The following ROBO1 variants were observed in gnomAD, a reference collection of about 807,000 sequenced individuals.
ROBO1 encodes the protein roundabout homolog 1.
In ROBO1, 149 loss-of-function variants were observed where a neutral mutation model predicts 195.9. The ratio of observed to expected loss-of-function variants is 0.76; its 90% CI spans 0.67 to 0.87. The LOEUF (loss-of-function observed/expected upper bound fraction) is 0.87. Ranked by LOEUF, ROBO1 falls within the 40% of genes least tolerant of loss-of-function variation. The pLI is 0.00. For missense variants in ROBO1, 1,933 were observed against 2,068.3 expected, an observed-to-expected ratio of 0.93 and a Z score of 1.27; for synonymous variants, 816 against 733.2, an observed-to-expected ratio of 1.11 and a Z score of -1.82.
intron 3 of ROBO1, among the ~76,000 whole-genome samples, chr3:78,942,536 AAG>A (rs1412771553): frequency 6.6e-6 from 1 of 152,128 alleles, no homozygotes; most frequent in Non-Finnish European, 1.5e-5. Context: ...GGCAGGGAAT[AAG>A]AGAGTGAAAT....
chr3:79,015,625 CTG>C (rs2077912330), intron 3 of ROBO1, among the ~76,000 whole-genome samples: 1 of 152,152 alleles, frequency 6.6e-6, no homozygotes, highest in African/African-American at 2.4e-5. Flanking sequence ...CACCAGAAGT[CTG>C]TCTGTCCATA....
chr3:79,119,908 C>T (rs2080084505), intron 3 of ROBO1, among the ~76,000 whole-genome samples: 1 of 151,974 alleles, frequency 6.6e-6, no homozygotes, highest in African/African-American at 2.4e-5. Context: ...GTAGCTGGGA[C>T]TACAGGCACA....
chr3:79,521,333 T>G (rs796328256), intron 2 of ROBO1, among the ~76,000 whole-genome samples: 6 of 152,304 alleles, frequency 3.9e-5, no homozygotes, highest in African/African-American at 1.4e-4. Context: ...GGGGTTCCTG[T>G]TTAGGAAACA....
chr3:79,163,605 CT>C (rs2081011812), intron 2 of ROBO1, among the ~76,000 whole-genome samples: 1 of 152,092 alleles, frequency 6.6e-6, no homozygotes, highest in Non-Finnish European at 1.5e-5. Context: ...AACTGCCATA[CT>C]GTTTTTTACA....
chr3:79,344,696 C>T (rs943881308), intron 2 of ROBO1, among the ~76,000 whole-genome samples: 1 of 151,828 alleles, frequency 6.6e-6, no homozygotes, highest in Non-Finnish European at 1.5e-5. Context: ...TGTAAAAATG[C>T]ATACATATAT....
chr3:79,381,373 A>AAAAAGAAAAGAAAAGAAAAGAAAAG (rs66481962), intron 2 of ROBO1, among the ~76,000 whole-genome samples: 2 of 115,426 alleles, frequency 1.7e-5, no homozygotes, highest in African/African-American at 6.7e-5. Context: ...AAAAAAAAAA[A>AAAAAGAAAAGAAAAGAAAAGAAAAG]AAAAGAAAAG....
At chr3:78,696,756 A>G (rs1245094990) in intron 8 of ROBO1, among the ~76,000 whole-genome samples, 1 of 148,748 alleles carries the variant, frequency 6.7e-6, no homozygotes, top group Non-Finnish European at 1.5e-5. Flanking sequence ...ATACACATAT[A>G]TATATATAAA....
intron 2 of ROBO1, among the ~76,000 whole-genome samples, chr3:79,244,061 C>T (rs1276925005): frequency 6.6e-6 from 1 of 151,978 alleles, no homozygotes; most frequent in Non-Finnish European, 1.5e-5. Context: ...CTAACCCTCA[C>T]TATTTCTTTT....
At chr3:79,573,072 C>T (rs1238629333) in intron 2 of ROBO1, among the ~76,000 whole-genome samples, 1 of 152,046 alleles carries the variant, frequency 6.6e-6, no homozygotes, top group Non-Finnish European at 1.5e-5. Context: ...TTTTTTGAGA[C>T]AGGGTCTTGT....
At chr3:79,521,608 C>T (rs893680992) in intron 2 of ROBO1, among the ~76,000 whole-genome samples, 8 of 152,156 alleles carry the variant, frequency 5.3e-5, no homozygotes, top group Admixed American at 1.3e-4. Flanking sequence ...AAGCCTCTTT[C>T]CTACCCTCAA....
At chr3:78,779,313 A>G (rs554810412) in intron 4 of ROBO1, among the ~76,000 whole-genome samples, 16 of 152,332 alleles carry the variant, frequency 1.1e-4, no homozygotes, top group Non-Finnish European at 1.8e-4. Context: ...ATCAGAATGA[A>G]CAGGCAACCT....
At chr3:79,754,883 T>C (rs1172228518) in intron 1 of ROBO1, among the ~76,000 whole-genome samples, 1 of 152,170 alleles carries the variant, frequency 6.6e-6, no homozygotes, top group Non-Finnish European at 1.5e-5. Context: ...TATTAATTAT[T>C]TATTTAATTA....
rs550102296 is a variant in ROBO1, at chr3:78,822,235, G to C, written c.500-75335C>G. 2.6e-3 allele frequency among the ~76,000 whole-genome samples: 389 copies of C among 152,196 alleles called. 1 individual carries two copies. Among genetic ancestry groups the C allele is most frequent in the African/African-American group, 9.0e-3 (375 of 41,532 alleles). ...AAGTCAAAGATATTTGTAAAATGAA[G>C]CTCTTGGAATGTAGAGAAGCGGTGA... On this transcript the variant is annotated intron_variant, in intron 4 of 30. Coordinates refer to ENST00000464233, the MANE Select transcript of ROBO1 (RefSeq NM_002941.4).
rs190615900 is a variant in ROBO1 at position 79,474,794 on chromosome 3, G to A, written c.88+115030C>T. Among the ~76,000 whole-genome samples, 457 of 152,072 alleles carry A rather than the reference G, an allele frequency of 3.0e-3. 2 individuals are homozygous for A. The highest frequency in any genetic ancestry group is 9.6e-3 in the African/African-American group (400 of 41,548). On this transcript the variant is annotated intron_variant, in intron 2 of 30. Coordinates refer to ENST00000464233, the MANE Select transcript of ROBO1 (RefSeq NM_002941.4). ...CTTAAACTTTATTGTAAATAAATTT[G>A]TTTAACCTTGCATTTTCCTAATTTA...
At chr3:79,700,317 T>TTGTGTGTGTGTGTG (rs71130610) in intron 1 of ROBO1, among the ~76,000 whole-genome samples, 105 of 144,254 alleles carry the variant, frequency 7.3e-4, no homozygotes, top group African/African-American at 1.9e-3. Context: ...GTGTGTGTGT[T>TTGTGTGTGTGTGTG]TGTGTGTGTG....
intron 4 of ROBO1, among the ~76,000 whole-genome samples, chr3:78,826,784 A>T (rs2108713698): frequency 6.6e-6 from 1 of 152,314 alleles, no homozygotes; most frequent in East Asian, 1.9e-4. Context: ...TTTCTTATAC[A>T]ACCTACACAT....
chr3:79,728,752 C>T (rs1703029376), intron 1 of ROBO1, among the ~76,000 whole-genome samples: 1 of 151,992 alleles, frequency 6.6e-6, no homozygotes, highest in Non-Finnish European at 1.5e-5. Context: ...AAATTGTTCC[C>T]AGTTAAAAAT....
chr3:78,610,221 G>T, intron 28 of ROBO1, among the ~76,000 whole-genome samples: 1 of 152,156 alleles, frequency 6.6e-6, no homozygotes, highest in East Asian at 1.9e-4. Flanking sequence ...AGTGTCACAA[G>T]TGTGTTTTTC....
rs563255131 is a variant in ROBO1, at chr3:79,038,367, T to C, written c.172+87089A>G. 3.9e-5 allele frequency among the ~76,000 whole-genome samples: 6 copies of C among 152,330 alleles called. No individual in the cohort carries two copies. The South Asian group carries it at 1.2e-3, about 32-fold the overall frequency. On this transcript the variant is annotated intron_variant, in intron 3 of 30. Coordinates refer to ENST00000464233, the MANE Select transcript of ROBO1 (RefSeq NM_002941.4). Reference sequence around the variant, plus strand: ...GTTATTGCAGAATGATGAACTTTTGTCCATCTATGATTTGGTCTAAATTTC... The same window carrying C: ...GTTATTGCAGAATGATGAACTTTTGCCCATCTATGATTTGGTCTAAATTTC...
Sources: allele counts gnomAD v4.1 joint callset (sites outside exome capture counted in the v4.1 genomes callset), GRCh38; gene constraint gnomAD v4.1.1; transcripts MANE v1.5; gene names NCBI Gene and HGNC (gene_info 2026-07-23, HGNC 2026-07-21).